Variants in SECISBP2L observed in about 807,000 individuals in gnomAD.
SECISBP2L encodes the protein selenocysteine insertion sequence-binding protein 2-like.
Under a neutral mutation model 114.7 loss-of-function variants are expected in SECISBP2L, and 43 were observed. The observed-to-expected ratio is 0.38, with a 90% CI of 0.29 to 0.48. The LOEUF is 0.48. Among genes scored for constraint, SECISBP2L ranks in the 20% least tolerant of loss-of-function variants. The pLI is 0.98. For synonymous variants in SECISBP2L, 451 were observed against 439.7 expected (o/e 1.03, Z -0.32); for missense variants, 1,136 against 1,301.1 (o/e 0.87, Z 1.95).
At chr15:49,003,001 C>T (rs528786428) in intron 14 of SECISBP2L, among the ~76,000 whole-genome samples, 7 of 152,228 alleles carry the variant, frequency 4.6e-5, no homozygotes, top group African/African-American at 1.7e-4. Context: ...TCAATGGTAG[C>T]TTGATGGGGA....
At chr15:48,994,094 T>C (rs1368348769) in intron 17 of SECISBP2L, among the ~76,000 whole-genome samples, 3 of 151,914 alleles carry the variant, frequency 2.0e-5, no homozygotes, top group Non-Finnish European at 4.4e-5. Flanking sequence ...TCCTTTCCAC[T>C]GTCATTTCTA....
intron 17 of SECISBP2L, chr15:48,995,878 CATTT>C (rs1902074912): frequency 1.9e-5 from 3 of 155,036 alleles, no homozygotes; most frequent in African/African-American, 7.2e-5. Context: ...GTAAATACAA[CATTT>C]AAAGTTTTTT....
chr15:49,016,695 A>C lies in SECISBP2L; in HGVS notation c.1426T>G (p.Leu476Val), dbSNP rs1335744251. ...SMEQKKLQEA[L>V]SKAAGKKNKT... ...TTCTTTTTTCCAGCTGCTTTTGATA[A>C]AGCTTCCTACAAAATAAATATAAAA... The change falls in exon 11 of 18, where the codon TTA becomes GTA. Residue 476 changes from leucine to valine, a missense_variant. Leu to Val is a conservative substitution (Grantham distance 32). Transcript: ENST00000559471. 3.8e-6 allele frequency: 6 copies of C among 1,576,998 alleles called. No homozygotes were observed. The Admixed American group carries it at 5.8e-5, about 15-fold the overall frequency.
At chr15:49,022,656 C>T (rs1902664379) in intron 7 of SECISBP2L, among the ~76,000 whole-genome samples, 1 of 152,046 alleles carries the variant, frequency 6.6e-6, no homozygotes, top group Non-Finnish European at 1.5e-5. Context: ...AAAGGTGACA[C>T]ATCATAAAGG....
chr15:48,992,125 T>C lies in SECISBP2L; in HGVS notation c.*119A>G, dbSNP rs1480628936. On this transcript the variant is annotated 3_prime_UTR_variant, in exon 18 of 18. Transcript: ENST00000559471. The stretch of plus-strand genomic sequence containing the variant: ...TAACAAGTAAAAGCTACAAAAATAT[T>C]TGTTGGGAATTAAATACGTATATTA... The C allele has an allele frequency of 7.7e-6, 7 of 912,852 alleles. No individual in the cohort carries two copies. Among genetic ancestry groups the C allele is most frequent in the Non-Finnish European group, 1.1e-5 (7 of 617,486 alleles). 56.5% of individuals were successfully genotyped at this position (912,852 alleles called of 1,614,324 possible). A position where few individuals can be genotyped will look rare whatever the true frequency, so the allele number is the denominator to read the frequency against.
At chr15:49,013,141 T>C in intron 11 of SECISBP2L, 2 of 215,286 alleles carry the variant, frequency 9.3e-6, no homozygotes, top group South Asian at 1.1e-4. Flanking sequence ...AACTTCACAA[T>C]GCTGCACCCC....
intron 6 of SECISBP2L, 41 bp downstream of exon 6, chr15:49,028,103 A>G: frequency 6.5e-7 from 1 of 1,544,638 alleles, no homozygotes; most frequent in South Asian, 1.2e-5. Flanking sequence ...ATATGGACAA[A>G]GTAGAAAGTA....
chr15:49,027,610 ATTTT>A, intron 6 of SECISBP2L, 130 bp from the exon 7 acceptor site: 2 of 358,454 alleles, frequency 5.6e-6, no homozygotes, highest in South Asian at 6.3e-5. Flanking sequence ...AAACCTTATT[ATTTT>A]TTTTTTTTTT....
In SECISBP2L at chr15:49,046,377, C is replaced by A; in HGVS notation, c.-78G>T. ...GCCGCTTTCTCCATGGCCCCCCGCT[C>A]GGGTCCAGACTGGGTTCCGGACCTC... On this transcript the variant is annotated 5_prime_UTR_variant, in exon 1 of 18. Transcript: ENST00000559471. The A allele has an allele frequency of 7.3e-7, 1 of 1,374,378 alleles. No individual in the cohort carries two copies. Among genetic ancestry groups the A allele is most frequent in the South Asian group, 1.6e-5 (1 of 62,304 alleles). 85.1% of individuals were successfully genotyped at this position (1,374,378 alleles called of 1,614,324 possible).
chr15:48,996,132 C>A, intron 17 of SECISBP2L: 1 of 464,146 alleles, frequency 2.2e-6, no homozygotes, highest in Non-Finnish European at 3.8e-6. Flanking sequence ...TTTTAAAGCC[C>A]CTGAGGCTTT....
At chr15:49,034,674 T>C (rs1193365375) in intron 3 of SECISBP2L, among the ~76,000 whole-genome samples, 2 of 149,050 alleles carry the variant, frequency 1.3e-5, no homozygotes, top group Non-Finnish European at 3.0e-5. Context: ...CTTTTGTTTT[T>C]TTTTTTTTGA....
At chr15:49,046,246 G>C in intron 1 of SECISBP2L, 30 bp downstream of exon 1, 1 of 1,565,604 alleles carries the variant, frequency 6.4e-7, no homozygotes, top group South Asian at 1.2e-5. Flanking sequence ...CCAACCCCCG[G>C]CTCGGCGGGC....
rs1903250170 is a variant in SECISBP2L at position 49,046,313 on chromosome 15, G to GC, written c.-15dup. On this transcript the variant is annotated 5_prime_UTR_variant, in exon 1 of 18. Coordinates refer to ENST00000559471, the MANE Select transcript of SECISBP2L (RefSeq NM_001193489.2). ...GGCTCGGTCCATGGTGCCTGCAGCC[G>GC]CAACGGGCCCGCGCTAGTCGGTGTA... is the stretch of plus-strand genomic sequence containing the variant. The GC allele has an allele frequency of 6.5e-7, 1 of 1,543,370 alleles. No individual in the cohort carries two copies. The highest frequency in any genetic ancestry group is 2.5e-5 in the East Asian group (1 of 39,318).
At chr15:49,000,088 A>G in intron 15 of SECISBP2L, 101 bp from the exon 16 acceptor site, 3 of 1,241,602 alleles carry the variant, frequency 2.4e-6, no homozygotes, top group Admixed American at 4.1e-5. Context: ...AAAGAATTCT[A>G]TGAACACTTG....
chr15:49,028,627 G>A lies in SECISBP2L; in HGVS notation c.720C>T (p.Leu240=). 1 of 1,614,136 alleles carries A rather than the reference G, an allele frequency of 6.2e-7. No individual in the cohort carries two copies. The highest frequency in any genetic ancestry group is 8.5e-7 in the Non-Finnish European group (1 of 1,180,010). Reference sequence around the variant, plus strand: ...TTCTTCTCCTGCCCTTGGACTTCCAGAGCATTGTTGCAGTGGTCTCTGAGA... The same window carrying A: ...TTCTTCTCCTGCCCTTGGACTTCCAAAGCATTGTTGCAGTGGTCTCTGAGA... ...KSLSETTATM[L]WKSKGRRRRA... is the part of the protein sequence containing the mutation. The change falls in exon 5 of 18, where the codon CTC becomes CTT. Residue 240 remains leucine, a synonymous_variant. Transcript: ENST00000559471.
chr15:49,013,192 A>G (rs1902471327), intron 11 of SECISBP2L: 1 of 162,494 alleles, frequency 6.2e-6, no homozygotes, highest in Admixed American at 6.3e-5. Context: ...CTTATGTAAG[A>G]TATCTTATCT....
intron 11 of SECISBP2L, among the ~76,000 whole-genome samples, chr15:49,015,406 T>C (rs1056730756): frequency 2.0e-5 from 3 of 152,318 alleles, no homozygotes; most frequent in East Asian, 1.9e-4. Flanking sequence ...CAGAGGTTGA[T>C]AGTGGATTGG....
At chr15:49,018,158 G>C (rs868221764) in intron 8 of SECISBP2L, among the ~76,000 whole-genome samples, 51 of 151,934 alleles carry the variant, frequency 3.4e-4, no homozygotes, top group African/African-American at 1.2e-3. Flanking sequence ...TACTACAATT[G>C]CCAGACCTGG....
chr15:49,043,629 G>GA (rs993578853), intron 1 of SECISBP2L, among the ~76,000 whole-genome samples: 9 of 146,604 alleles, frequency 6.1e-5, no homozygotes, highest in South Asian at 2.1e-4. Flanking sequence ...TTTTTCAGGG[G>GA]AAAAAATGCA....
Sources: gnomAD v4.1 joint callset for allele counts (sites outside exome capture counted in the v4.1 genomes callset) on GRCh38, gnomAD v4.1.1 for gene constraint, MANE v1.5 for transcripts, NCBI Gene and HGNC (gene_info 2026-07-23, HGNC 2026-07-21) for gene names.